Variants in ADAMTS19 observed in about 807,000 individuals in gnomAD.
ADAMTS19 encodes A disintegrin and metalloproteinase with thrombospondin motifs 19.
In ADAMTS19, 93 loss-of-function variants were observed where a neutral mutation model predicts 153.3. That is an observed-to-expected ratio of 0.61 (90% CI 0.51 to 0.72). The LOEUF is 0.72. Among genes scored for constraint, ADAMTS19 ranks in the 30% least tolerant of loss-of-function variants. ADAMTS19 has a pLI of 0.00. For missense variants in ADAMTS19, 1,482 were observed against 1,552.1 expected, an observed-to-expected ratio of 0.95 and a Z score of 0.76; for synonymous variants, 600 against 556.6, an observed-to-expected ratio of 1.08 and a Z score of -1.10.
chr5:129,542,619 T>A (rs1752695515), intron 6 of ADAMTS19, among the ~76,000 whole-genome samples: 1 of 152,084 alleles, frequency 6.6e-6, no homozygotes, highest in Non-Finnish European at 1.5e-5. Context: ...ATGGGAAAAG[T>A]TTAGGGTAGG....
At chr5:129,660,244 G>C (rs1360179280) in intron 15 of ADAMTS19, among the ~76,000 whole-genome samples, 1 of 151,898 alleles carries the variant, frequency 6.6e-6, no homozygotes, top group East Asian at 1.9e-4. Context: ...AAGGTGATAG[G>C]TCCCACACAT....
chr5:129,554,572 G>T (rs1218776280), intron 7 of ADAMTS19, among the ~76,000 whole-genome samples: 1 of 152,064 alleles, frequency 6.6e-6, no homozygotes, highest in African/African-American at 2.4e-5. Flanking sequence ...CCATCCTTAG[G>T]ATGAATCTGA....
intron 6 of ADAMTS19, 51 bp from the exon 7 acceptor site, chr5:129,551,813 G>A (rs780492831): frequency 8.1e-7 from 1 of 1,238,218 alleles, no homozygotes; most frequent in Admixed American, 2.3e-5. Flanking sequence ...TTGATGTCTT[G>A]TTTGTACAAA....
In ADAMTS19 at chr5:129,577,370, T is replaced by C. The variant is rs539709057; in HGVS notation, c.1373-19189T>C. On this transcript the variant is annotated intron_variant, in intron 7 of 22. Transcript: ENST00000274487. ...TGTCATTGTTGTGCTTACATTTTGA[T>C]GGAGACAGAGAATATACATATTAAA... Among the ~76,000 whole-genome samples the C allele has an allele frequency of 2.7e-3, 414 of 152,212 alleles. 1 individual carries two copies. Among genetic ancestry groups the C allele is most frequent in the African/African-American group, 9.5e-3 (393 of 41,536 alleles).
At chr5:129,702,941 A>AAAAATATATATAT in intron 20 of ADAMTS19, among the ~76,000 whole-genome samples, 11 of 29,304 alleles carry the variant, frequency 3.8e-4, no homozygotes, top group East Asian at 1.3e-3. Context: ...AAAAAAAAAA[A>AAAAATATATATAT]ATATATATAT....
At chr5:129,519,117 G>A (rs898472148) in intron 3 of ADAMTS19, among the ~76,000 whole-genome samples, 5 of 152,066 alleles carry the variant, frequency 3.3e-5, no homozygotes, top group African/African-American at 1.2e-4. Context: ...AAGTCTCAAA[G>A]GTTCACCCAA....
At chr5:129,641,829 C>A (rs896112682) in intron 10 of ADAMTS19, 30 bp from the exon 11 acceptor site, 3 of 1,430,760 alleles carry the variant, frequency 2.1e-6, no homozygotes, top group East Asian at 2.4e-5. Flanking sequence ...GATACCTTCC[C>A]CTTATTAGTT....
chr5:129,678,631 A>C (rs1754656565), intron 16 of ADAMTS19, among the ~76,000 whole-genome samples: 1 of 152,136 alleles, frequency 6.6e-6, no homozygotes, highest in African/African-American at 2.4e-5. Flanking sequence ...ACTATTATGG[A>C]AGTATAAATT....
rs1381966559 is a variant in ADAMTS19 at position 129,536,694 on chromosome 5, A to G, written c.1328+8017A>G. Among the ~76,000 whole-genome samples the G allele has an allele frequency of 2.0e-5, 3 of 152,222 alleles. No homozygotes were observed. In the East Asian group the frequency reaches 5.8e-4, roughly 29 times the overall value. On this transcript the variant is annotated intron_variant, in intron 6 of 22. Transcript: ENST00000274487. The stretch of plus-strand genomic sequence containing the variant: ...CCAACAATGAGAGACTGGATTAAGA[A>G]AATGTGGCACATATACACATGGAAT...
Position 129,509,870 on chromosome 5 carries a change from T to G in ADAMTS19, c.913+628T>G, listed in dbSNP as rs570592413. The stretch of plus-strand genomic sequence containing the variant: ...CAGGAACAAAATGAGGGTGACTGTT[T>G]CATGTACTTTCTTACTTCCCTTAGG... On this transcript the variant is annotated intron_variant, in intron 3 of 22. Coordinates refer to ENST00000274487, the MANE Select transcript of ADAMTS19 (RefSeq NM_133638.6). 2.6e-5 allele frequency among the ~76,000 whole-genome samples: 4 copies of G among 151,664 alleles called. No individual in the cohort carries two copies. In the South Asian group the frequency reaches 8.3e-4, roughly 32 times the overall value.
chr5:129,616,645 C>G (rs1347703381), intron 8 of ADAMTS19, among the ~76,000 whole-genome samples: 1 of 151,956 alleles, frequency 6.6e-6, no homozygotes, highest in African/African-American at 2.4e-5. Flanking sequence ...GACTTGACAA[C>G]CATGTACAAT....
At chr5:129,467,970 G>A (rs1342526421) in intron 2 of ADAMTS19, among the ~76,000 whole-genome samples, 2 of 152,072 alleles carry the variant, frequency 1.3e-5, no homozygotes, top group Non-Finnish European at 2.9e-5. Context: ...ACACACACGT[G>A]GTATTACCAC....
chr5:129,692,892 A>T (rs1477167125), intron 18 of ADAMTS19, among the ~76,000 whole-genome samples: 1 of 152,166 alleles, frequency 6.6e-6, no homozygotes, highest in African/African-American at 2.4e-5. Context: ...CTCAAAGGAA[A>T]GGGCCTGTTA....
chr5:129,728,044 A>T (rs548010208), intron 21 of ADAMTS19, among the ~76,000 whole-genome samples: 1 of 152,254 alleles, frequency 6.6e-6, no homozygotes, highest in South Asian at 2.1e-4. Context: ...CAAAACCAAG[A>T]TGGTGATGAA....
Position 129,461,109 on chromosome 5 carries a change from G to C in ADAMTS19, c.99G>C (p.Gln33His). 1 of 1,415,622 alleles carries C rather than the reference G, an allele frequency of 7.1e-7. No homozygotes were observed. 87.7% of individuals were successfully genotyped at this position (1,415,622 alleles called of 1,614,324 possible). A position where few individuals can be genotyped will look rare whatever the true frequency, so the allele number is the denominator to read the frequency against. Residue 33 changes from glutamine to histidine, a missense_variant, in exon 2 of 23, where the codon CAG becomes CAC. Transcript: ENST00000274487. This position sits in a 1 kb window ranked among gnomAD's most constrained non-coding sequence, Gnocchi z 4.6. The part of the protein sequence containing the change: ...FLSNGIVSEL[Q>H]FAPDREEWEV... Reference sequence around the variant, plus strand: ...TGTCTGCCCCGCCCGCAGAGCTGCAGTTCGCCCCCGACCGCGAGGAGTGGG... The same window carrying C: ...TGTCTGCCCCGCCCGCAGAGCTGCACTTCGCCCCCGACCGCGAGGAGTGGG...
intron 6 of ADAMTS19, among the ~76,000 whole-genome samples, chr5:129,543,043 GTTTT>G (rs1364972351): frequency 2.2e-4 from 32 of 145,552 alleles, no homozygotes; most frequent in African/African-American, 7.4e-4. Flanking sequence ...TGTTGTTGTT[GTTTT>G]GTTTTTTTTT....
intron 21 of ADAMTS19, among the ~76,000 whole-genome samples, chr5:129,732,065 A>G (rs908306307): frequency 1.3e-5 from 2 of 152,186 alleles, no homozygotes; most frequent in African/African-American, 4.8e-5. Flanking sequence ...TGATATATGT[A>G]TGAAACCAAG....
intron 7 of ADAMTS19, among the ~76,000 whole-genome samples, chr5:129,557,860 A>G (rs1378883921): frequency 6.6e-6 from 1 of 152,026 alleles, no homozygotes; most frequent in African/African-American, 2.4e-5. Context: ...ATATTAGCAG[A>G]TATTATCTTA....
intron 7 of ADAMTS19, among the ~76,000 whole-genome samples, chr5:129,592,015 T>C (rs1279063336): frequency 1.3e-5 from 2 of 152,132 alleles, no homozygotes; most frequent in Non-Finnish European, 2.9e-5. Context: ...TTCTTGTACA[T>C]GACTCATTTT....
Sources: gnomAD v4.1 joint callset for allele counts (sites outside exome capture counted in the v4.1 genomes callset) on GRCh38, gnomAD v4.1.1 for gene constraint, Gnocchi (gnomAD v3.1) non-coding constraint, MANE v1.5 for transcripts, NCBI Gene and HGNC (gene_info 2026-07-23, HGNC 2026-07-21) for gene names.